Variants in MTFR1 observed in about 807,000 individuals in gnomAD.
The protein encoded by MTFR1 is mitochondrial fission regulator 1.
Under a neutral mutation model 38.8 loss-of-function variants are expected in MTFR1, and 28 were observed. That is an observed-to-expected ratio of 0.72 (90% CI 0.53 to 0.99). The LOEUF is 0.99. MTFR1 is among the 50% of genes least tolerant of loss of function. MTFR1 has a pLI of 0.00. For synonymous variants in MTFR1, 145 were observed against 137.0 expected, an observed-to-expected ratio of 1.06 and a Z score of -0.41; for missense variants, 358 against 395.5, an observed-to-expected ratio of 0.91 and a Z score of 0.81.
chr8:65,669,206 A>G (rs766103079), intron 1 of MTFR1, among the ~76,000 whole-genome samples: 5 of 152,178 alleles, frequency 3.3e-5, no homozygotes, highest in Non-Finnish European at 7.3e-5. Context: ...GGACCAGTAC[A>G]GACAGCATCT....
intron 3 of MTFR1, among the ~76,000 whole-genome samples, chr8:65,759,503 G>A (rs1563492813): frequency 6.6e-6 from 1 of 152,130 alleles, no homozygotes; most frequent in Non-Finnish European, 1.5e-5. Flanking sequence ...ATGGCTACTG[G>A]TTCACCCAAG....
intron 4 of MTFR1, among the ~76,000 whole-genome samples, chr8:65,701,526 C>A (rs1476904891): frequency 1.3e-5 from 2 of 152,182 alleles, no homozygotes; most frequent in Non-Finnish European, 2.9e-5. Context: ...GTCACAATAT[C>A]AAGCTCACTT....
chr8:65,681,753 A>C (rs1804902661), intron 2 of MTFR1, among the ~76,000 whole-genome samples: 1 of 144,962 alleles, frequency 6.9e-6, no homozygotes, highest in Non-Finnish European at 1.5e-5. Flanking sequence ...ATTTCATCTG[A>C]GAAATTCTGC....
chr8:65,732,411 C>G (rs1031888589), intron 3 of MTFR1, among the ~76,000 whole-genome samples: 9 of 152,206 alleles, frequency 5.9e-5, no homozygotes, highest in African/African-American at 2.2e-4. Context: ...TGCTCACCAC[C>G]ACATTCCTTG....
At chr8:65,681,425 T>G (rs886382042) in intron 2 of MTFR1, among the ~76,000 whole-genome samples, 10 of 152,240 alleles carry the variant, frequency 6.6e-5, no homozygotes, top group African/African-American at 2.4e-4. Context: ...TGGCCTTACA[T>G]AACTGAATGT....
At chr8:65,747,511 A>G (rs1180454270) in intron 3 of MTFR1, 3 of 489,410 alleles carry the variant, frequency 6.1e-6, no homozygotes, top group African/African-American at 2.0e-5. Context: ...CAGCTGCTCT[A>G]AAGAAAAAAA....
At chr8:65,772,828 A>G (rs1809146519), downstream of MTFR1, among the ~76,000 whole-genome samples, 1 of 151,986 alleles carries the variant, frequency 6.6e-6, no homozygotes, top group South Asian at 2.1e-4. Flanking sequence ...ATATGGTGAA[A>G]CCCTATCTTT....
At chr8:65,757,431 C>A (rs1426062546) in intron 3 of MTFR1, among the ~76,000 whole-genome samples, 8 of 152,140 alleles carry the variant, frequency 5.3e-5, no homozygotes, top group African/African-American at 1.9e-4. Flanking sequence ...TCCAGTCCAT[C>A]ATAGTGCATG....
chr8:65,679,552 G>C (rs988095496), intron 2 of MTFR1: 19 of 152,336 alleles, frequency 1.2e-4, no homozygotes, highest in South Asian at 4.1e-4. Flanking sequence ...GAACCTGGAG[G>C]GGGCAGAGGT....
intron 5 of MTFR1, among the ~76,000 whole-genome samples, chr8:65,705,971 C>T (rs1385826385): frequency 6.6e-6 from 1 of 152,128 alleles, no homozygotes; most frequent in Admixed American, 6.5e-5. Flanking sequence ...GTTTCCAAGG[C>T]CTGGCAAGAC....
chr8:65,773,759 A>G (rs956823373), downstream of MTFR1, among the ~76,000 whole-genome samples: 2 of 152,078 alleles, frequency 1.3e-5, no homozygotes, highest in Non-Finnish European at 2.9e-5. Flanking sequence ...TTTTAATTTC[A>G]TTAGAGATAC....
downstream of MTFR1, among the ~76,000 whole-genome samples, chr8:65,774,268 G>T (rs1188899425): frequency 6.6e-6 from 1 of 152,048 alleles, no homozygotes; most frequent in African/African-American, 2.4e-5. Flanking sequence ...AAATCCTCAT[G>T]CTAATAAATA....
downstream of MTFR1, chr8:65,714,457 T>G (rs1806053513): frequency 6.6e-6 from 1 of 152,080 alleles, no homozygotes; most frequent in Non-Finnish European, 1.5e-5. Context: ...CAAGTGGTGG[T>G]CATTCCACCT....
intron 2 of MTFR1, among the ~76,000 whole-genome samples, chr8:65,673,997 T>C (rs1200731695): frequency 6.6e-6 from 1 of 152,164 alleles, no homozygotes; most frequent in Non-Finnish European, 1.5e-5. Context: ...GTTGGAGAAA[T>C]GGCGTCAGTA....
intron 4 of MTFR1, among the ~76,000 whole-genome samples, chr8:65,698,207 G>A (rs1232104290): frequency 4.7e-5 from 7 of 148,416 alleles, no homozygotes; most frequent in Admixed American, 6.8e-5. Flanking sequence ...GGAGTGCAGT[G>A]GCATGATCAT....
chr8:65,729,860 T>C (rs1443251482), intron 3 of MTFR1, among the ~76,000 whole-genome samples: 1 of 151,936 alleles, frequency 6.6e-6, no homozygotes, highest in East Asian at 1.9e-4. Context: ...TAAGCCACCA[T>C]GCCCTGCCTA....
chr8:65,719,133 A>T, intron 2 of MTFR1: 1 of 616,934 alleles, frequency 1.6e-6, no homozygotes, highest in Non-Finnish European at 2.9e-6. Context: ...AGTGGGTTCA[A>T]ATGATCCAAC....
chr8:65,662,064 T>TCCCTCTCTTTCC (rs1290912107), intron 1 of MTFR1, among the ~76,000 whole-genome samples: 3 of 67,680 alleles, frequency 4.4e-5, no homozygotes, highest in African/African-American at 1.0e-4. Context: ...CCTCTCTCTC[T>TCCCTCTCTTTCC]CCCTCTCTTT....
intron 3 of MTFR1, among the ~76,000 whole-genome samples, chr8:65,754,723 T>C (rs920264893): frequency 1.3e-5 from 2 of 150,366 alleles, no homozygotes; most frequent in African/African-American, 2.4e-5. Flanking sequence ...TCCCAGCACT[T>C]TGGGAGGCTG....
Sources: allele counts gnomAD v4.1 joint callset (sites outside exome capture counted in the v4.1 genomes callset), GRCh38; gene constraint gnomAD v4.1.1; transcripts MANE v1.5; gene names NCBI Gene and HGNC (gene_info 2026-07-23, HGNC 2026-07-21).